Variants in PCGF3 observed in about 807,000 individuals in gnomAD.
PCGF3 encodes the protein polycomb group RING finger protein 3.
PCGF3 carries 7 observed loss-of-function variants against 33.1 expected under a neutral mutation model. The ratio of observed to expected loss-of-function variants is 0.21; its 90% confidence interval spans 0.12 to 0.40. The LOEUF is 0.40. Ranked by LOEUF, PCGF3 falls within the 10% of genes least tolerant of loss-of-function variation. PCGF3 has a pLI of 1.00. For missense variants in PCGF3, 211 were observed against 313.3 expected, an observed-to-expected ratio of 0.67 and a Z score of 2.46; for synonymous variants, 153 against 121.3, an observed-to-expected ratio of 1.26 and a Z score of -1.72.
At chr4:732,677 T>C (rs2109605495) in intron 3 of PCGF3, among the ~76,000 whole-genome samples, 1 of 152,262 alleles carries the variant, frequency 6.6e-6, no homozygotes, top group East Asian at 1.9e-4. Context: ...GCTGGGCCTC[T>C]TGGTGGCGGT....
At chr4:728,181 C>G (rs1318670731) in intron 1 of PCGF3, among the ~76,000 whole-genome samples, 11 of 152,226 alleles carry the variant, frequency 7.2e-5, no homozygotes, top group Admixed American at 6.5e-5. Flanking sequence ...GGCCAGCTCC[C>G]CCGAATCCAT....
intron 1 of PCGF3, among the ~76,000 whole-genome samples, chr4:706,465 AAAGACCCCAGAACAGGGAGGGCC>A (rs1435607571): frequency 1.1e-4 from 14 of 124,762 alleles, no homozygotes; most frequent in Non-Finnish European, 2.0e-4. Flanking sequence ...CAGGGAGGGC[AAAGACCCCAGAACAGGGAGGGCC>A]AAGACCCCAG....
At chr4:740,095 A>C (rs1744021310) in intron 6 of PCGF3, among the ~76,000 whole-genome samples, 1 of 152,250 alleles carries the variant, frequency 6.6e-6, no homozygotes, top group Admixed American at 6.5e-5. Flanking sequence ...TCTGTGGTGC[A>C]GACAATTGCA....
At chr4:727,089 C>T (rs1320955281) in intron 1 of PCGF3, among the ~76,000 whole-genome samples, 1 of 151,816 alleles carries the variant, frequency 6.6e-6, no homozygotes, top group African/African-American at 2.4e-5. Flanking sequence ...GCCGCATCTG[C>T]GTGGGGAGGG....
At chr4:762,477 G>C (rs553025240) in intron 9 of PCGF3, 1 of 152,382 alleles carries the variant, frequency 6.6e-6, no homozygotes, top group African/African-American at 2.4e-5. Context: ...CTGGGAGTTA[G>C]GGCCTGGGGG....
chr4:768,529 T>C (rs758358017), exon 11 of PCGF3: 4 of 152,184 alleles, frequency 2.6e-5, no homozygotes, highest in Non-Finnish European at 5.9e-5. Context: ...CAACTATTTA[T>C]GCTGGTAAAA....
intron 1 of PCGF3, among the ~76,000 whole-genome samples, chr4:717,609 A>T (rs1742911439): frequency 6.6e-6 from 1 of 152,022 alleles, no homozygotes; most frequent in Non-Finnish European, 1.5e-5. Context: ...CAAGCCCCTG[A>T]CCTCGTGATC....
At chr4:766,566 A>T (rs1745384949) in exon 11 of PCGF3, 1 of 152,404 alleles carries the variant, frequency 6.6e-6, no homozygotes, top group Non-Finnish European at 1.5e-5. Flanking sequence ...CTTCTTGAAG[A>T]TTTAGAAGTT....
intron 6 of PCGF3, among the ~76,000 whole-genome samples, chr4:741,746 G>A (rs1744101534): frequency 6.6e-6 from 1 of 152,174 alleles, no homozygotes; most frequent in Admixed American, 6.5e-5. Flanking sequence ...CTGACACTGA[G>A]TGCTGCTATT....
chr4:756,068 C>T (rs1744756623), intron 8 of PCGF3, among the ~76,000 whole-genome samples: 1 of 151,740 alleles, frequency 6.6e-6, no homozygotes, highest in South Asian at 2.1e-4. Flanking sequence ...CACATGCCAC[C>T]ATACCCAGCT....
At chr4:734,574 A>G (rs1011069289) in intron 4 of PCGF3, 1 of 1,164,552 alleles carries the variant, frequency 8.6e-7, no homozygotes. Flanking sequence ...TACGTAGAAG[A>G]TACTGTCATC....
intron 8 of PCGF3, among the ~76,000 whole-genome samples, chr4:758,122 C>A (rs560998551): frequency 9.4e-5 from 13 of 138,964 alleles, no homozygotes; most frequent in African/African-American, 3.0e-4. Flanking sequence ...GAGCCGAGAT[C>A]GTGCCACGGC....
intron 8 of PCGF3, chr4:757,324 C>A (rs1457650709): frequency 1.3e-5 from 2 of 152,266 alleles, no homozygotes; most frequent in Non-Finnish European, 2.9e-5. Flanking sequence ...CACACCTGTT[C>A]CCTGAGTCGG....
At chr4:710,746 C>A (rs1022290277) in intron 1 of PCGF3, among the ~76,000 whole-genome samples, 1 of 152,032 alleles carries the variant, frequency 6.6e-6, no homozygotes, top group Non-Finnish European at 1.5e-5. Flanking sequence ...GCCAAAAGAC[C>A]CCCCCACAAA....
In PCGF3 at chr4:758,276, T is replaced by C. The variant is rs115035109; in HGVS notation, c.463-3003T>C. Among the ~76,000 whole-genome samples, 1,311 of 151,578 alleles carry C rather than the reference T, an allele frequency of 8.6e-3. 21 individuals carry two copies. The highest frequency in any genetic ancestry group is 0.028 in the African/African-American group (1,151 of 41,226). On this transcript the variant is annotated intron_variant, in intron 8 of 10. Transcript: ENST00000362003. ...CACCGGGCACCCCCTTTCTCCCTGC[T>C]TCTCACTTCTTCCGCCAAACTCCAG...
chr4:732,188 G>A (rs1332751506), intron 3 of PCGF3, among the ~76,000 whole-genome samples: 1 of 142,644 alleles, frequency 7.0e-6, no homozygotes, highest in Non-Finnish European at 1.5e-5. Flanking sequence ...TTGGTAAGGC[G>A]GGGCTCCCCT....
intron 1 of PCGF3, among the ~76,000 whole-genome samples, chr4:713,459 G>A (rs1168375374): frequency 6.7e-6 from 1 of 149,244 alleles, no homozygotes; most frequent in African/African-American, 2.5e-5. Flanking sequence ...TGCCTTGTGG[G>A]GGCTATGGCC....
At chr4:727,868 TC>T (rs1297259478) in intron 1 of PCGF3, among the ~76,000 whole-genome samples, 2 of 152,206 alleles carry the variant, frequency 1.3e-5, no homozygotes, top group Non-Finnish European at 2.9e-5. Context: ...GGAAAAAGGC[TC>T]CTTTTAGTTC....
At chr4:718,575 G>A (rs1430651118) in intron 1 of PCGF3, among the ~76,000 whole-genome samples, 2 of 152,266 alleles carry the variant, frequency 1.3e-5, no homozygotes, top group Non-Finnish European at 1.5e-5. Context: ...TCTCAGCCCT[G>A]TCCGTGTGAG....
Sources: allele counts gnomAD v4.1 joint callset (sites outside exome capture counted in the v4.1 genomes callset), GRCh38; gene constraint gnomAD v4.1.1; transcripts MANE v1.5; gene names NCBI Gene and HGNC (gene_info 2026-07-23, HGNC 2026-07-21).